Variants in CNTNAP3 observed in about 807,000 individuals in gnomAD.
CNTNAP3 encodes the protein contactin-associated protein-like 3.
In CNTNAP3, 36 loss-of-function variants were observed where a neutral mutation model predicts 92.1. The observed-to-expected ratio is 0.39, with a 90% confidence interval of 0.30 to 0.52. The LOEUF (loss-of-function observed/expected upper bound fraction) is 0.52. CNTNAP3 is among the 20% of genes least tolerant of loss of function. The pLI, the probability that CNTNAP3 is intolerant of heterozygous loss-of-function variation, is 0.76. For synonymous variants in CNTNAP3, 232 were observed against 422.3 expected, an observed-to-expected ratio of 0.55 and a Z score of 5.53; for missense variants, 534 against 1,069.6, an observed-to-expected ratio of 0.50 and a Z score of 6.98.
At chr9:39,114,017 T>C (rs1162218518) in intron 14 of CNTNAP3, among the ~76,000 whole-genome samples, 10 of 145,764 alleles carry the variant, frequency 6.9e-5, no homozygotes, top group African/African-American at 1.6e-4. Flanking sequence ...TATACACACA[T>C]ATATATACAC....
chr9:39,075,936 T>G (rs1307691622), intron 23 of CNTNAP3, among the ~76,000 whole-genome samples: 1 of 152,304 alleles, frequency 6.6e-6, no homozygotes, highest in Non-Finnish European at 1.5e-5. Flanking sequence ...TCCCCCACGC[T>G]TTTACTGCCT....
intron 10 of CNTNAP3, among the ~76,000 whole-genome samples, chr9:39,146,265 C>G (rs10814797): frequency 2.0e-5 from 3 of 151,090 alleles, no homozygotes; most frequent in Non-Finnish European, 4.4e-5. Context: ...GAGGAGGTGA[C>G]GGAGGCCTCC....
chr9:39,123,095 T>C (rs1175870955), intron 13 of CNTNAP3, among the ~76,000 whole-genome samples: 1 of 147,354 alleles, frequency 6.8e-6, no homozygotes, highest in East Asian at 2.0e-4. Context: ...ACAATAATTT[T>C]TTTTTTTTTT....
chr9:39,097,485 T>C (rs562807870), intron 18 of CNTNAP3, among the ~76,000 whole-genome samples: 7 of 152,108 alleles, frequency 4.6e-5, no homozygotes, highest in Non-Finnish European at 1.0e-4. Context: ...GTGAGGGCAA[T>C]TGGGACACAG....
At chr9:39,078,597 A>G in intron 22 of CNTNAP3, 93 bp downstream of exon 22, 1 of 1,547,944 alleles carries the variant, frequency 6.5e-7, no homozygotes, top group South Asian at 1.2e-5. Flanking sequence ...AAAAAGAAGG[A>G]TGACAGAGAC....
In CNTNAP3 at chr9:39,084,444, T is replaced by G. The variant is rs192550817; in HGVS notation, c.3442+1292A>C. On this transcript the variant is annotated intron_variant, in intron 21 of 23. Transcript: ENST00000297668. ...CTCCTGACCTCGTGATCCGCCTGCCTCAGCCTCCCAAAGTGCTGGGATTAC... is the reference window on the plus strand; with the variant it reads ...CTCCTGACCTCGTGATCCGCCTGCCGCAGCCTCCCAAAGTGCTGGGATTAC... 2.7e-3 allele frequency among the ~76,000 whole-genome samples: 405 copies of G among 152,242 alleles called. 3 individuals carry two copies. Among genetic ancestry groups the G allele is most frequent in the Non-Finnish European group, 4.1e-3 (280 of 68,012 alleles).
At chr9:39,099,818 T>C (rs1587706282) in intron 18 of CNTNAP3, 93 bp downstream of exon 18, 32 of 1,510,258 alleles carry the variant, frequency 2.1e-5, no homozygotes, top group Non-Finnish European at 2.3e-5. Context: ...TTCAATCTTA[T>C]CCTCTCTTTA....
intron 11 of CNTNAP3, among the ~76,000 whole-genome samples, chr9:39,142,565 G>T (rs1453989384): frequency 6.6e-6 from 1 of 151,888 alleles, no homozygotes; most frequent in Admixed American, 6.6e-5. Context: ...CCAGCTACTC[G>T]GGAGGCTGAG....
chr9:39,099,665 T>C (rs1333354209), intron 18 of CNTNAP3: 8 of 725,676 alleles, frequency 1.1e-5, no homozygotes, highest in Middle Eastern at 4.1e-4. Flanking sequence ...AGGATTAGCA[T>C]TGAACAGATG....
In CNTNAP3 at chr9:39,121,252, C is replaced by T. The variant is rs369381226; in HGVS notation, c.2081-2993G>A. Among the ~76,000 whole-genome samples the T allele has an allele frequency of 5.2e-3, 787 of 151,830 alleles. 19 individuals carry two copies. In the South Asian group the frequency reaches 0.085, roughly 16 times the overall value. The stretch of plus-strand genomic sequence containing the variant: ...TGCAAAAATTAAATTTGAAAGAAAG[C>T]AGAATGGCTATCTCATAAAATAGAC... On this transcript the variant is annotated intron_variant, in intron 13 of 23. Transcript: ENST00000297668.
At chr9:39,098,829 G>A (rs1228684503) in intron 18 of CNTNAP3, among the ~76,000 whole-genome samples, 3 of 152,006 alleles carry the variant, frequency 2.0e-5, no homozygotes, top group Admixed American at 6.6e-5. Flanking sequence ...AATAGTAAGT[G>A]TAACAGCCCA....
intron 13 of CNTNAP3, among the ~76,000 whole-genome samples, chr9:39,128,726 C>A (rs2778172): frequency 0.1 from 15,389 of 150,436 alleles, 964 homozygotes; most frequent in African/African-American, 0.18. Context: ...ATTGACGAGG[C>A]AGAAATAAAG....
chr9:39,147,098 A>G (rs116852297), intron 10 of CNTNAP3, among the ~76,000 whole-genome samples: 22,711 of 152,142 alleles, frequency 0.15, 2,179 homozygotes, highest in East Asian at 0.21. Context: ...GTTCTCTTGC[A>G]TGCTGCCATG....
chr9:39,084,200 T>G (rs1053687548), intron 21 of CNTNAP3, among the ~76,000 whole-genome samples: 7 of 124,298 alleles, frequency 5.6e-5, no homozygotes, highest in Non-Finnish European at 1.2e-4. Context: ...CCAAGTTTTT[T>G]TTTTTTTTTT....
intron 21 of CNTNAP3, chr9:39,085,428 T>TC (rs1271711362): frequency 2.6e-6 from 1 of 389,036 alleles, no homozygotes; most frequent in African/African-American, 2.1e-5. Context: ...TCTGTGAACT[T>TC]CGTGTCAGCT....
At chr9:39,088,252 A>G (rs1350849824) in intron 19 of CNTNAP3, among the ~76,000 whole-genome samples, 171 bp downstream of exon 19, 1 of 142,590 alleles carries the variant, frequency 7.0e-6, no homozygotes, top group Non-Finnish European at 1.5e-5. Flanking sequence ...TAATCTTGAA[A>G]TGCTAGCTTT....
intron 10 of CNTNAP3, among the ~76,000 whole-genome samples, 187 bp downstream of exon 10, chr9:39,149,619 A>AGCG (rs1821792357): frequency 6.6e-6 from 1 of 151,928 alleles, no homozygotes; most frequent in African/African-American, 2.4e-5. Flanking sequence ...GCCGCATTAC[A>AGCG]GGTGTGAGCC....
rs370990653 is a variant in CNTNAP3, at chr9:39,135,343, G to A, written c.1877-2208C>T. Among the ~76,000 whole-genome samples the A allele has an allele frequency of 7.9e-5, 12 of 152,018 alleles. No individual in the cohort carries two copies. The East Asian group carries it at 1.9e-3, about 25-fold the overall frequency. On this transcript the variant is annotated intron_variant, in intron 12 of 23. Transcript: ENST00000297668. ...CTTGGAGTGCAGTGGCACCTTCATA[G>A]TTTACTGCAGCCTCGACCTCCTGGG...
At chr9:39,159,056 A>ATGC (rs1822017614) in intron 9 of CNTNAP3, 2 of 144,214 alleles carry the variant, frequency 1.4e-5, no homozygotes, top group Non-Finnish European at 3.1e-5. Context: ...AAATAAGGAC[A>ATGC]ACTTTACTTA....
Sources: gnomAD v4.1 joint callset for allele counts (sites outside exome capture counted in the v4.1 genomes callset) on GRCh38, gnomAD v4.1.1 for gene constraint, MANE v1.5 for transcripts, NCBI Gene and HGNC (gene_info 2026-07-23, HGNC 2026-07-21) for gene names.